The following DMD variants were observed in gnomAD, a reference collection of about 807,000 sequenced individuals.
DMD encodes mutant dystrophin.
In DMD, 63 loss-of-function variants were observed where a neutral mutation model predicts 330.1. That is an observed-to-expected ratio of 0.19 (90% confidence interval 0.16 to 0.24). The LOEUF is 0.24. Ranked by LOEUF, DMD falls within the 10% of genes least tolerant of loss-of-function variation. The pLI is 1.00. For synonymous variants in DMD, 1,223 were observed against 959.8 expected (o/e 1.27, Z -5.07); for missense variants, 3,344 against 2,684.1 (o/e 1.25, Z -5.43).
intron 18 of DMD, among the ~76,000 whole-genome samples, chrX:32,511,939 A>T (rs2045386498): frequency 8.9e-6 from 1 of 112,027 alleles, no homozygotes; most frequent in Admixed American, 9.5e-5. Context: ...CATAATTTCA[A>T]GTAAAGTATA....
intron 29 of DMD, among the ~76,000 whole-genome samples, chrX:32,431,187 G>T (rs1293096051): frequency 1.8e-5 from 2 of 110,451 alleles, no homozygotes; most frequent in Non-Finnish European, 3.8e-5. Context: ...CTGCCATCAG[G>T]GTACAAGGGG....
chrX:32,768,355 G>A (rs776977252), intron 7 of DMD, among the ~76,000 whole-genome samples: 3 of 111,515 alleles, frequency 2.7e-5, no homozygotes, highest in South Asian at 3.7e-4. Flanking sequence ...AAACAAAATT[G>A]CTTTATACCG....
intron 1 of DMD, among the ~76,000 whole-genome samples, chrX:33,069,473 T>A (rs1243408848): frequency 1.9e-5 from 2 of 103,328 alleles, no homozygotes; most frequent in Admixed American, 1.0e-4. Context: ...CCAGAATTCA[T>A]ATACACAGAA....
chrX:32,567,520 C>G (rs941399661), intron 15 of DMD, among the ~76,000 whole-genome samples: 1 of 111,209 alleles, frequency 9.0e-6, no homozygotes, highest in Non-Finnish European at 1.9e-5. Context: ...GTCAGCCTCA[C>G]GAGTAGCTGG....
At chrX:32,334,856 G>A (rs181243203) in intron 41 of DMD, among the ~76,000 whole-genome samples, 155 of 111,583 alleles carry the variant, frequency 1.4e-3, no homozygotes, top group Middle Eastern at 4.6e-3. Context: ...AGTAAGGAAA[G>A]TTTGCTTAAT....
At chrX:32,039,493 C>T (rs2095981195) in intron 44 of DMD, among the ~76,000 whole-genome samples, 1 of 111,313 alleles carries the variant, frequency 9.0e-6, no homozygotes. Flanking sequence ...ATCCATAGAT[C>T]CTTGTGCCCC....
chrX:32,159,076 C>G (rs1406828902), intron 44 of DMD, among the ~76,000 whole-genome samples: 1 of 112,236 alleles, frequency 8.9e-6, no homozygotes. Context: ...GATCCTTACC[C>G]AATCCTAATT....
intron 12 of DMD, 89 bp downstream of exon 12, chrX:32,614,214 A>T (rs887971049): frequency 6.4e-6 from 6 of 939,147 alleles, no homozygotes; most frequent in Non-Finnish European, 8.9e-6. Context: ...ATTCTCTCCC[A>T]TCAACCATGT....
At chrX:32,565,952 T>C (rs2051656081) in intron 15 of DMD, 71 bp from the exon 16 acceptor site, 2 of 905,667 alleles carry the variant, frequency 2.2e-6, no homozygotes, top group Non-Finnish European at 3.2e-6. Flanking sequence ...TCAATCTGCT[T>C]TTGCGTGTAT....
rs1283374816 is a variant in DMD at position 31,451,205 on chromosome X, CCTTT to C, written c.8938-6582_8938-6579del. On this transcript the variant is annotated intron_variant, in intron 59 of 78. Coordinates refer to ENST00000357033, the MANE Select transcript of DMD (RefSeq NM_004006.3). ...AGACTTCTTTCTTTCTTTCTTTCTT[CCTTT>C]CTTTTTTTCAAGAGACTTCTTTCTC... Among the ~76,000 whole-genome samples the C allele has an allele frequency of 2.5e-4, 21 of 83,491 alleles. No individual in the cohort carries two copies. The East Asian group carries it at 8.2e-3, about 33-fold the overall frequency. The allele number at this position is 83,491 out of a possible 115,157, so 72.5% of individuals were successfully genotyped here.
intron 59 of DMD, among the ~76,000 whole-genome samples, chrX:31,467,379 T>C (rs7061636): frequency 0.092 from 10,216 of 110,672 alleles, 345 homozygotes; most frequent in East Asian, 0.2. Context: ...CATGAAGGGG[T>C]GTTGAATTTT....
At chrX:32,011,652 C>T (rs753570519) in intron 44 of DMD, among the ~76,000 whole-genome samples, 2 of 111,342 alleles carry the variant, frequency 1.8e-5, no homozygotes, top group Admixed American at 9.6e-5. Flanking sequence ...CAGGTCCTGC[C>T]GAACAGGACA....
chrX:31,828,436 C>A (rs1382635198), intron 49 of DMD, among the ~76,000 whole-genome samples: 1 of 110,734 alleles, frequency 9.0e-6, no homozygotes, highest in Non-Finnish European at 1.9e-5. Context: ...GAGGCTGAGG[C>A]AGGTGGATCA....
chrX:31,402,138 G>C (rs1235200342), intron 60 of DMD, among the ~76,000 whole-genome samples: 1 of 112,015 alleles, frequency 8.9e-6, no homozygotes, highest in Non-Finnish European at 1.9e-5. Context: ...TTGCAGTAGA[G>C]AGGCTGAGTA....
At chrX:32,407,067 A>C (rs1472702310) in intron 30 of DMD, among the ~76,000 whole-genome samples, 1 of 111,602 alleles carries the variant, frequency 9.0e-6, no homozygotes, top group Non-Finnish European at 1.9e-5. Flanking sequence ...AGGCACGGGC[A>C]AGGACTTCAT....
intron 2 of DMD, among the ~76,000 whole-genome samples, chrX:32,935,323 C>A (rs1418324804): frequency 1.8e-5 from 2 of 112,231 alleles, no homozygotes; most frequent in Non-Finnish European, 3.8e-5. Flanking sequence ...CTCACTCACA[C>A]CTATTCACTC....
At chrX:32,173,988 A>G (rs1323912762) in intron 44 of DMD, among the ~76,000 whole-genome samples, 1 of 112,307 alleles carries the variant, frequency 8.9e-6, no homozygotes, top group African/African-American at 3.2e-5. Context: ...AAATAAGTTC[A>G]TTGTTAATTG....
At chrX:33,127,561 C>T (rs2095472441) in intron 1 of DMD, among the ~76,000 whole-genome samples, 1 of 110,736 alleles carries the variant, frequency 9.0e-6, no homozygotes, top group African/African-American at 3.3e-5. Context: ...CTTGTTATTT[C>T]CGTCTTCTTT....
At chrX:32,596,859 T>C (rs1225901543) in intron 12 of DMD, among the ~76,000 whole-genome samples, 3 of 111,330 alleles carry the variant, frequency 2.7e-5, no homozygotes, top group African/African-American at 9.8e-5. Flanking sequence ...TACACTACTT[T>C]TTAGCTCCTT....
Sources: gnomAD v4.1 joint callset for allele counts (sites outside exome capture counted in the v4.1 genomes callset) on GRCh38, gnomAD v4.1.1 for gene constraint, MANE v1.5 for transcripts, NCBI Gene and HGNC (gene_info 2026-07-23, HGNC 2026-07-21) for gene names.